Variants in SPTBN2 observed in about 807,000 individuals in gnomAD.
SPTBN2 encodes the protein spectrin beta, non-erythrocytic 2.
A neutral mutation model predicts 284.2 loss-of-function variants in SPTBN2; 107 were observed. The ratio of observed to expected loss-of-function variants is 0.38; its 90% CI spans 0.32 to 0.44. The LOEUF is 0.44. SPTBN2 is among the 20% of genes least tolerant of loss of function. The pLI is 1.00. For synonymous variants in SPTBN2, 1,289 were observed against 1,354.8 expected (o/e 0.95, Z 1.07); for missense variants, 2,569 against 3,287.1 (o/e 0.78, Z 5.34).
At chr11:66,709,183 T>C (rs1941725825) in intron 10 of SPTBN2, among the ~76,000 whole-genome samples, 164 bp from the exon 11 acceptor site, 1 of 146,022 alleles carries the variant, frequency 6.8e-6, no homozygotes, top group Non-Finnish European at 1.5e-5. Flanking sequence ...AGAACATCAT[T>C]TTATTTTATT....
In SPTBN2 at chr11:66,686,422, T is replaced by C. The variant is rs768438537; in HGVS notation, c.6915A>G (p.Glu2305=). ...CCTCATCCTTGGCCTGGAATAAATATTCTTTTCCATCCTGTAAGCTGTTGG... is the reference window on the plus strand; with the variant it reads ...CCTCATCCTTGGCCTGGAATAAATACTCTTTTCCATCCTGTAAGCTGTTGG... ...VFKLGLQDGK[E]YLFQAKDEAE... Residue 2305 remains glutamate (E), a synonymous_variant, in exon 37 of 38, where the codon GAA becomes GAG. Coordinates refer to ENST00000533211, the MANE Select transcript of SPTBN2 (RefSeq NM_006946.4). 2.5e-6 allele frequency: 4 copies of C among 1,613,904 alleles called. No homozygotes were observed. The highest frequency in any genetic ancestry group is 1.3e-5 in the African/African-American group (1 of 74,904).
rs541179605 is a variant in SPTBN2, at chr11:66,683,625, G to A, written c.*2246C>T. On this transcript the variant is annotated 3_prime_UTR_variant, in exon 38 of 38. Transcript: ENST00000533211. ...GCTGCCGCATATGCAGATGCTGCTC[G>A]GGGTCTTCAGTCTCACCTCTCCGTT... Among the ~76,000 whole-genome samples the A allele has an allele frequency of 7.9e-5, 12 of 152,302 alleles. No individual in the cohort carries two copies. The highest frequency in any genetic ancestry group is 3.4e-3 in the Middle Eastern group (1 of 294).
At chr11:66,690,631 G>T (rs562214542) in intron 27 of SPTBN2, among the ~76,000 whole-genome samples, 1 of 152,296 alleles carries the variant, frequency 6.6e-6, no homozygotes, top group Admixed American at 6.5e-5. Flanking sequence ...GGGTTCTAGT[G>T]GTTGAAGGAA....
rs375506622 is a variant in SPTBN2 at position 66,710,791 on chromosome 11, C to T, written c.886-22G>A. The T allele has an allele frequency of 8.7e-5, 140 of 1,613,340 alleles. No individual in the cohort carries two copies. Among genetic ancestry groups the T allele is most frequent in the South Asian group, 3.7e-4 (34 of 91,066 alleles). On this transcript the variant is annotated intron_variant, in intron 9 of 37. Transcript: ENST00000533211. The surrounding 1 kb of genome is among the most constrained non-coding windows in gnomAD (Gnocchi z 4.9). ...GCACCTGGGAGGCAGAAGACAGGGA[C>T]GTGACAGTCCCAGCCACAGGGTCCC... is the stretch of plus-strand genomic sequence containing the variant.
rs1031873880 is a variant in SPTBN2 at position 66,689,877 on chromosome 11, C to G, written c.5877G>C (p.Arg1959=). ...CGATGCAGGAGGAGAAGCGGTCTGC[C>G]CGGGCCTCTATCTCTGCCTTGATGC... is the stretch of plus-strand genomic sequence containing the variant. ...QQGIKAEIEA[R]ADRFSSCIDM... The change falls in exon 29 of 38, where the codon CGG becomes CGC. Residue 1959 remains arginine (R), a synonymous_variant. Coordinates refer to ENST00000533211, the MANE Select transcript of SPTBN2 (RefSeq NM_006946.4). 1 of 1,614,046 alleles carries G rather than the reference C, an allele frequency of 6.2e-7. No homozygotes were observed. The highest frequency in any genetic ancestry group is 8.5e-7 in the Non-Finnish European group (1 of 1,180,032).
intron 10 of SPTBN2, among the ~76,000 whole-genome samples, chr11:66,709,925 G>C (rs116132633): frequency 1.3e-5 from 2 of 152,212 alleles, no homozygotes; most frequent in Non-Finnish European, 2.9e-5. Context: ...GTTGTGACCT[G>C]CCTGTCAGGT....
rs369739059 is a variant in SPTBN2, at chr11:66,708,215, G to A, written c.1276C>T (p.Leu426=). 3.7e-6 allele frequency: 6 copies of A among 1,611,798 alleles called. No individual in the cohort carries two copies. Among genetic ancestry groups the A allele is most frequent in the Non-Finnish European group, 5.1e-6 (6 of 1,179,004 alleles). ...ELIRQEKLEQ[L]AARFDRKAAM... Reference sequence around the variant, plus strand: ...GCCTTGCGGTCGAAGCGGGCGGCCAGCTGCTCCAGCTTCTCCTGGCGGATG... The same window carrying A: ...GCCTTGCGGTCGAAGCGGGCGGCCAACTGCTCCAGCTTCTCCTGGCGGATG... Residue 426 remains leucine (L), a synonymous_variant, in exon 12 of 38, where the codon CTG becomes TTG. Transcript: ENST00000533211. This position sits in a 1 kb window ranked among gnomAD's most constrained non-coding sequence, Gnocchi z 4.4.
Position 66,704,604 on chromosome 11 carries a change from T to C in SPTBN2, c.2672A>G (p.Gln891Arg), listed in dbSNP as rs1941420492. Residue 891 changes from glutamine (Q) to arginine (R), a missense_variant, in exon 15 of 38, where the codon CAG becomes CGG. Transcript: ENST00000533211. ...AGGAGCCTGAGGGGCCTACCTCTGC[T>C]GCACGACCTCCAGGTCCTCCAGGCG... ...PERLEDLEVV[Q>R]QRFETLEPEM... is the part of the protein sequence containing the mutation. 1 of 1,607,704 alleles carries C rather than the reference T, an allele frequency of 6.2e-7. No individual in the cohort carries two copies. Among genetic ancestry groups the C allele is most frequent in the African/African-American group, 1.4e-5 (1 of 73,952 alleles).
chr11:66,698,699 C>T lies in SPTBN2; in HGVS notation c.3954G>A (p.Lys1318=). The change falls in exon 20 of 38, where the codon AAG becomes AAA. Residue 1318 remains lysine, a synonymous_variant. Transcript: ENST00000533211. ...CCAGCTCGGCCATGAATGCCTGGTG[C>T]TTCTGCCACTTAGTATGCAGGTTGC... ...EARNLHTKWQ[K]HQAFMAELAA... The T allele has an allele frequency of 1.2e-6, 2 of 1,614,274 alleles. No homozygotes were observed. The highest frequency in any genetic ancestry group is 1.7e-6 in the Non-Finnish European group (2 of 1,180,056).
chr11:66,719,185 C>G (rs754257087), intron 3 of SPTBN2, among the ~76,000 whole-genome samples: 5 of 152,254 alleles, frequency 3.3e-5, no homozygotes, highest in Non-Finnish European at 7.3e-5. Flanking sequence ...AAGCCAGGCA[C>G]TGTGCGAGGC....
chr11:66,723,147 C>T (rs186843820), intron 1 of SPTBN2, among the ~76,000 whole-genome samples: 1 of 151,744 alleles, frequency 6.6e-6, no homozygotes, highest in East Asian at 1.9e-4. Context: ...CTCTAACTTA[C>T]GCAAACACAC....
At position 66,688,249 on chromosome 11, in the gene SPTBN2, C is replaced by T. The variant is rs139653351; in HGVS notation, c.6294G>A (p.Pro2098=). The T allele has an allele frequency of 1.4e-5, 23 of 1,613,014 alleles. No individual in the cohort carries two copies. Among genetic ancestry groups the T allele is most frequent in the East Asian group, 2.2e-5 (1 of 44,854 alleles). ...KREEEERRKQ[P]PAPEPTASVP... Reference sequence around the variant, plus strand: ...CACTGGCTGTGGGTTCGGGAGCAGGCGGCTGTTTCCGCCGCTCCTCCTCCT... The same window carrying T: ...CACTGGCTGTGGGTTCGGGAGCAGGTGGCTGTTTCCGCCGCTCCTCCTCCT... The change falls in exon 32 of 38, where the codon CCG becomes CCA. Residue 2098 remains proline (P), a synonymous_variant. Transcript: ENST00000533211.
chr11:66,702,957 A>AC (rs1222807489), intron 15 of SPTBN2, among the ~76,000 whole-genome samples: 6 of 151,406 alleles, frequency 4.0e-5, no homozygotes, highest in Non-Finnish European at 7.4e-5. Context: ...AAAAAAAAAA[A>AC]AAACCAAAAA....
rs990233587 is a variant in SPTBN2 at position 66,693,070 on chromosome 11, T to G, written c.4885A>C (p.Lys1629Gln). 3 of 1,613,978 alleles carry G rather than the reference T, an allele frequency of 1.9e-6. No individual in the cohort carries two copies. The highest frequency in any genetic ancestry group is 2.7e-5 in the African/African-American group (2 of 74,924). ...DELSAQAEVK[K>Q]HQVLEQALAD... is the part of the protein sequence containing the mutation. Reference sequence around the variant, plus strand: ...AGGGCTTGCTCCAGCACCTGGTGCTTCTTCACCTCTGCCTGGGCACTCAGC... The same window carrying G: ...AGGGCTTGCTCCAGCACCTGGTGCTGCTTCACCTCTGCCTGGGCACTCAGC... Residue 1629 changes from lysine (K) to glutamine (Q), a missense_variant, in exon 25 of 38, where the codon AAG (lysine) becomes CAG (glutamine). Around this residue, in one of 6 missense-constraint regions of SPTBN2, gnomAD observed 1,130 missense variants for 1,317.3 expected, o/e 0.86. Coordinates refer to ENST00000533211, the MANE Select transcript of SPTBN2 (RefSeq NM_006946.4). This position sits in a 1 kb window ranked among gnomAD's most constrained non-coding sequence, Gnocchi z 5.7.
At chr11:66,720,599 C>G (rs969234027) in intron 3 of SPTBN2, among the ~76,000 whole-genome samples, 3 of 152,068 alleles carry the variant, frequency 2.0e-5, no homozygotes, top group African/African-American at 7.3e-5. Flanking sequence ...CTTCAGGGAA[C>G]AGGCAGATGA....
chr11:66,692,825 A>G, intron 25 of SPTBN2, 85 bp from the exon 26 acceptor site: 2 of 1,596,742 alleles, frequency 1.3e-6, no homozygotes, highest in Non-Finnish European at 1.7e-6. Context: ...TGTCCCTCTG[A>G]GTCTCCCAAC....
At chr11:66,714,559 C>A in intron 5 of SPTBN2, 152 bp from the exon 6 acceptor site, 1 of 706,020 alleles carries the variant, frequency 1.4e-6, no homozygotes, top group Admixed American at 2.1e-5. Context: ...AGGCCAGGGA[C>A]CACAAAACAC....
chr11:66,718,996 G>A lies in SPTBN2; in HGVS notation c.157+2088C>T, dbSNP rs1942273029. On this transcript the variant is annotated intron_variant, in intron 3 of 37. Coordinates refer to ENST00000533211, the MANE Select transcript of SPTBN2 (RefSeq NM_006946.4). This position sits in a 1 kb window ranked among gnomAD's most constrained non-coding sequence, Gnocchi z 4.8. ...GCCCCAAGTTACCTAACAATGCACA[G>A]GACCCACGAGAGGGGCCCCCAATGC... Among the ~76,000 whole-genome samples, 1 of 152,216 alleles carries A rather than the reference G, an allele frequency of 6.6e-6. No homozygotes were observed. Among genetic ancestry groups the A allele is most frequent in the South Asian group, 2.1e-4 (1 of 4,834 alleles).
In SPTBN2 at chr11:66,715,198, C is replaced by G. The variant is rs1351867304; in HGVS notation, c.483+24G>C. On this transcript the variant is annotated intron_variant, in intron 5 of 37. Coordinates refer to ENST00000533211, the MANE Select transcript of SPTBN2 (RefSeq NM_006946.4). This position sits in a 1 kb window ranked among gnomAD's most constrained non-coding sequence, Gnocchi z 5.3. ...GCAGAGCCAGGGCAGGAACCACACC[C>G]TGTGTGACAGTGTGCTGGGGTACCT... The G allele has an allele frequency of 6.2e-7, 1 of 1,614,146 alleles. No individual in the cohort carries two copies. Among genetic ancestry groups the G allele is most frequent in the East Asian group, 2.2e-5 (1 of 44,878 alleles).
Sources: gnomAD v4.1 joint callset for allele counts (sites outside exome capture counted in the v4.1 genomes callset) on GRCh38, gnomAD v4.1.1 for gene constraint, gnomAD v4.1.1 regional missense constraint, Gnocchi (gnomAD v3.1) non-coding constraint, MANE v1.5 for transcripts, NCBI Gene and HGNC (gene_info 2026-07-23, HGNC 2026-07-21) for gene names.